TRPC4: variants seen among roughly 807,000 people sequenced by gnomAD.
TRPC4 encodes transient receptor potential cation channel subfamily C member 4, also known as short transient receptor potential channel 4.
TRPC4 carries 49 observed loss-of-function variants against 99.4 expected under a neutral mutation model. That is an observed-to-expected ratio of 0.49 (90% CI 0.39 to 0.63). The LOEUF is 0.63. TRPC4 is among the 20% of genes least tolerant of loss of function. TRPC4 has a pLI of 0.00. For missense variants in TRPC4, 898 were observed against 1,152.9 expected, an observed-to-expected ratio of 0.78 and a Z score of 3.20; for synonymous variants, 454 against 425.9, an observed-to-expected ratio of 1.07 and a Z score of -0.81.
intron 7 of TRPC4, 121 bp downstream of exon 7, chr13:37,654,967 C>A: frequency 1.3e-6 from 1 of 765,940 alleles, no homozygotes; most frequent in Non-Finnish European, 1.9e-6. Context: ...ATTTATAATT[C>A]TTATCTGTCT....
At chr13:37,680,226 T>C (rs2138804557) in intron 4 of TRPC4, among the ~76,000 whole-genome samples, 1 of 152,342 alleles carries the variant, frequency 6.6e-6, no homozygotes, top group Non-Finnish European at 1.5e-5. Flanking sequence ...TGCTTATTTG[T>C]TTTGTCTTGC....
intron 4 of TRPC4, among the ~76,000 whole-genome samples, chr13:37,675,419 T>A (rs147850354): frequency 4.9e-4 from 74 of 152,264 alleles, no homozygotes; most frequent in Admixed American, 1.8e-3. Flanking sequence ...CTCGGCTGAC[T>A]GTGAGGTAGC....
intron 1 of TRPC4, among the ~76,000 whole-genome samples, chr13:37,783,896 C>T: frequency 6.6e-6 from 1 of 151,582 alleles, no homozygotes; most frequent in African/African-American, 2.4e-5. Context: ...TTGGTAGAGA[C>T]AGGGTTTTGC....
chr13:37,846,945 A>G (rs927996186), intron 1 of TRPC4, among the ~76,000 whole-genome samples: 5 of 152,076 alleles, frequency 3.3e-5, no homozygotes, highest in Non-Finnish European at 5.9e-5. Context: ...GTCAAATGTT[A>G]TTTTTAAAAG....
chr13:37,637,736 G>A (rs549981177), intron 10 of TRPC4, 111 bp from the exon 11 acceptor site: 1 of 1,052,890 alleles, frequency 9.5e-7, no homozygotes, highest in Non-Finnish European at 1.4e-6. Flanking sequence ...TAAAAACAAG[G>A]ATTCTACTCT....
chr13:37,688,648 G>C (rs545411866), intron 4 of TRPC4, among the ~76,000 whole-genome samples: 1 of 152,248 alleles, frequency 6.6e-6, no homozygotes, highest in East Asian at 1.9e-4. Context: ...TTATGAATGC[G>C]AGGAAGATCT....
intron 1 of TRPC4, among the ~76,000 whole-genome samples, chr13:37,800,575 T>C (rs1473497738): frequency 6.6e-6 from 1 of 152,082 alleles, no homozygotes; most frequent in African/African-American, 2.4e-5. Context: ...ATAAAATTAA[T>C]GAAAATATGA....
At chr13:37,825,669 T>C (rs1410790326) in intron 1 of TRPC4, among the ~76,000 whole-genome samples, 1 of 142,928 alleles carries the variant, frequency 7.0e-6, no homozygotes, top group Non-Finnish European at 1.5e-5. Flanking sequence ...CTTTTACATT[T>C]GCTGAGGAGA....
chr13:37,705,715 T>TA (rs1954252429), intron 3 of TRPC4, among the ~76,000 whole-genome samples: 1 of 152,140 alleles, frequency 6.6e-6, no homozygotes, highest in Non-Finnish European at 1.5e-5. Flanking sequence ...CATGCATATT[T>TA]ACCTGCATCT....
chr13:37,774,123 C>A (rs756895728), intron 2 of TRPC4, among the ~76,000 whole-genome samples: 1 of 151,586 alleles, frequency 6.6e-6, no homozygotes, highest in East Asian at 1.9e-4. Flanking sequence ...AGGGATGTTG[C>A]AATTAAGGAG....
chr13:37,680,871 A>T (rs377139761), intron 4 of TRPC4, among the ~76,000 whole-genome samples: 2 of 152,206 alleles, frequency 1.3e-5, no homozygotes, highest in African/African-American at 4.8e-5. Flanking sequence ...TCAGATTTGT[A>T]TGTATCATGA....
Position 37,823,506 on chromosome 13 carries a change from C to A in TRPC4, c.-27-40146G>T, listed in dbSNP as rs1201788854. Among the ~76,000 whole-genome samples the A allele has an allele frequency of 1.9e-4, 28 of 150,370 alleles. No individual in the cohort carries two copies. In the South Asian group the frequency reaches 3.0e-3, roughly 16 times the overall value. ...TCTACATATGGCTAGCCAGTTTTCC[C>A]AGCACCATTTATTAAATAGGGAATC... On this transcript the variant is annotated intron_variant, in intron 1 of 10. Coordinates refer to ENST00000379705, the MANE Select transcript of TRPC4 (RefSeq NM_016179.4).
At chr13:37,725,059 A>T (rs1955001339) in intron 3 of TRPC4, among the ~76,000 whole-genome samples, 1 of 152,166 alleles carries the variant, frequency 6.6e-6, no homozygotes, top group Non-Finnish European at 1.5e-5. Context: ...TCAATAAAGA[A>T]TTTTTTAAAA....
At chr13:37,673,526 GA>G (rs1952936437) in intron 5 of TRPC4, among the ~76,000 whole-genome samples, 1 of 150,850 alleles carries the variant, frequency 6.6e-6, no homozygotes, top group Non-Finnish European at 1.5e-5. Flanking sequence ...TTTTTAAAGA[GA>G]AAAGGAAAGG....
At chr13:37,820,076 T>C (rs973870437) in intron 1 of TRPC4, among the ~76,000 whole-genome samples, 5 of 150,848 alleles carry the variant, frequency 3.3e-5, no homozygotes, top group Admixed American at 2.0e-4. Context: ...AGAGAGAAGA[T>C]CCAAATAAAC....
At chr13:37,769,330 G>A (rs765461977) in intron 2 of TRPC4, among the ~76,000 whole-genome samples, 26 of 151,140 alleles carry the variant, frequency 1.7e-4, no homozygotes, top group Non-Finnish European at 3.3e-4. Context: ...AAAAAGATAG[G>A]ACAACAGGTG....
At chr13:37,811,921 G>T (rs1166962921) in intron 1 of TRPC4, among the ~76,000 whole-genome samples, 1 of 151,936 alleles carries the variant, frequency 6.6e-6, no homozygotes, top group Non-Finnish European at 1.5e-5. Flanking sequence ...CCAACATTTT[G>T]GGAGGCCAAG....
chr13:37,685,229 C>T (rs966420660), intron 4 of TRPC4, among the ~76,000 whole-genome samples: 3 of 152,092 alleles, frequency 2.0e-5, no homozygotes, highest in Non-Finnish European at 4.4e-5. Flanking sequence ...GTCTTAAGTA[C>T]GGACACACGT....
chr13:37,822,829 C>T (rs1457665027), intron 1 of TRPC4, among the ~76,000 whole-genome samples: 6 of 151,948 alleles, frequency 3.9e-5, no homozygotes, highest in African/African-American at 1.4e-4. Flanking sequence ...AGTTCTAGAT[C>T]CCTGAGGAAT....
Sources: allele counts gnomAD v4.1 joint callset (sites outside exome capture counted in the v4.1 genomes callset), GRCh38; gene constraint gnomAD v4.1.1; transcripts MANE v1.5; gene names NCBI Gene and HGNC (gene_info 2026-07-23, HGNC 2026-07-21).